The following KLHL1 variants were observed in gnomAD, a reference collection of about 807,000 sequenced individuals.
KLHL1 encodes the protein kelch-like protein 1.
KLHL1 carries 47 observed loss-of-function variants against 77.7 expected under a neutral mutation model. The ratio of observed to expected loss-of-function variants is 0.60; its 90% confidence interval spans 0.48 to 0.77. The LOEUF (loss-of-function observed/expected upper bound fraction) is 0.77, where lower values mean the gene tolerates loss of function less well. Among genes scored for constraint, KLHL1 ranks in the 30% least tolerant of loss-of-function variants. The pLI, the probability that KLHL1 is intolerant of heterozygous loss-of-function variation, is 0.00. For synonymous variants in KLHL1, 360 were observed against 325.2 expected, an observed-to-expected ratio of 1.11 and a Z score of -1.15; for missense variants, 925 against 910.8, an observed-to-expected ratio of 1.02 and a Z score of -0.20.
intron 6 of KLHL1, 80 bp downstream of exon 6, chr13:69,838,896 G>T: frequency 4.7e-6 from 4 of 853,308 alleles, no homozygotes; most frequent in Admixed American, 3.4e-5. Context: ...GTCATTTTTT[G>T]TAGTATCACC....
Position 69,958,066 on chromosome 13 carries a change from A to T in KLHL1, c.817+3242T>A, listed in dbSNP as rs115211104. ...ATCATTATCCTAAATAGTTGCAAGAATTATTATTTTTTTAAATTCTTTTGT... is the reference window on the plus strand; with the variant it reads ...ATCATTATCCTAAATAGTTGCAAGATTTATTATTTTTTTAAATTCTTTTGT... On this transcript the variant is annotated intron_variant, in intron 3 of 10. Transcript: ENST00000377844. Among the ~76,000 whole-genome samples the T allele has an allele frequency of 1.7e-3, 263 of 151,870 alleles. 1 individual carries two copies. The highest frequency in any genetic ancestry group is 5.8e-3 in the African/African-American group (239 of 41,488).
chr13:69,946,620 C>T (rs1883534225), intron 3 of KLHL1, among the ~76,000 whole-genome samples: 2 of 152,080 alleles, frequency 1.3e-5, no homozygotes, highest in Admixed American at 1.3e-4. Flanking sequence ...TCAAGTTATC[C>T]TCTTGCCTCA....
intron 2 of KLHL1, among the ~76,000 whole-genome samples, chr13:69,969,056 ATT>A (rs34106617): frequency 6.6e-6 from 1 of 151,656 alleles, no homozygotes; most frequent in African/African-American, 2.4e-5. Flanking sequence ...TTTTTAGGAG[ATT>A]TTTTTTCATT....
At chr13:69,716,110 T>G (rs2137887922) in intron 9 of KLHL1, among the ~76,000 whole-genome samples, 1 of 152,234 alleles carries the variant, frequency 6.6e-6, no homozygotes, top group South Asian at 2.1e-4. Context: ...ACATTTGCCT[T>G]TCCATGAATC....
At chr13:69,820,474 C>T (rs12428267) in intron 6 of KLHL1, among the ~76,000 whole-genome samples, 12,228 of 152,074 alleles carry the variant, frequency 0.08, 604 homozygotes, top group Non-Finnish European at 0.1. Flanking sequence ...CTCTCTGTCT[C>T]CTAGTGATAA....
chr13:69,791,598 G>C (rs75845624), intron 7 of KLHL1, among the ~76,000 whole-genome samples: 17,606 of 152,070 alleles, frequency 0.12, 1,211 homozygotes, highest in African/African-American at 0.19. Flanking sequence ...ATAGACTAAT[G>C]TAATAGAATT....
At chr13:70,100,250 T>C (rs1887892998) in intron 1 of KLHL1, among the ~76,000 whole-genome samples, 1 of 151,980 alleles carries the variant, frequency 6.6e-6, no homozygotes, top group Non-Finnish European at 1.5e-5. Context: ...TTCACATCTT[T>C]TCTCATTTTT....
intron 3 of KLHL1, among the ~76,000 whole-genome samples, chr13:69,958,738 T>TA (rs59683172): frequency 2.6e-3 from 381 of 146,328 alleles, no homozygotes; most frequent in Middle Eastern, 7.0e-3. Flanking sequence ...ACCTTAAAAT[T>TA]AAAAAAAAAA....
chr13:69,926,729 C>T (rs776291138), intron 4 of KLHL1, among the ~76,000 whole-genome samples: 7 of 151,710 alleles, frequency 4.6e-5, no homozygotes, highest in Admixed American at 6.6e-5. Flanking sequence ...GGGTGGATCA[C>T]GAGGCCAGGA....
chr13:70,023,207 G>A (rs1161717878), intron 1 of KLHL1, among the ~76,000 whole-genome samples: 1 of 151,824 alleles, frequency 6.6e-6, no homozygotes, highest in African/African-American at 2.4e-5. Context: ...CTATCAAAAA[G>A]TTATAAAAAT....
At chr13:70,047,292 A>C (rs1886524876) in intron 1 of KLHL1, among the ~76,000 whole-genome samples, 1 of 151,636 alleles carries the variant, frequency 6.6e-6, no homozygotes, top group South Asian at 2.1e-4. Flanking sequence ...AAAAAAAAAA[A>C]CCCACAAAGA....
At chr13:69,821,564 C>T (rs932321099) in intron 6 of KLHL1, among the ~76,000 whole-genome samples, 7 of 152,164 alleles carry the variant, frequency 4.6e-5, no homozygotes, top group Admixed American at 2.0e-4. Context: ...ATCCGCCCTC[C>T]TTGGCCTCCC....
intron 7 of KLHL1, among the ~76,000 whole-genome samples, chr13:69,758,407 C>A (rs1874866084): frequency 6.6e-6 from 1 of 151,994 alleles, no homozygotes; most frequent in Non-Finnish European, 1.5e-5. Context: ...CTTTTTAGAT[C>A]CATTTTGTTT....
At chr13:69,707,171 C>A (rs1402723633) in intron 10 of KLHL1, among the ~76,000 whole-genome samples, 1 of 151,936 alleles carries the variant, frequency 6.6e-6, no homozygotes, top group East Asian at 1.9e-4. Context: ...GACTTTCCAG[C>A]AGCACCACCA....
chr13:69,723,018 T>C (rs925485645), intron 8 of KLHL1, among the ~76,000 whole-genome samples: 6 of 152,038 alleles, frequency 3.9e-5, no homozygotes, highest in Non-Finnish European at 1.5e-5. Flanking sequence ...TCCTAATATT[T>C]TCTATAACAT....
chr13:69,777,877 G>C (rs527665300), intron 7 of KLHL1, among the ~76,000 whole-genome samples: 7 of 152,006 alleles, frequency 4.6e-5, no homozygotes, highest in Non-Finnish European at 1.0e-4. Context: ...TTTATTCTGA[G>C]TATTATAGTG....
intron 1 of KLHL1, among the ~76,000 whole-genome samples, chr13:70,081,984 G>A (rs9572354): frequency 0.12 from 18,242 of 152,004 alleles, 1,606 homozygotes; most frequent in East Asian, 0.49. Flanking sequence ...TCATGGGGAC[G>A]CACTTCTCAC....
chr13:70,046,023 ACT>A (rs373976390), intron 1 of KLHL1, among the ~76,000 whole-genome samples: 319 of 152,092 alleles, frequency 2.1e-3, no homozygotes, highest in African/African-American at 7.2e-3. Context: ...TTATTTATCT[ACT>A]CTCTTTCTCT....
chr13:69,714,665 T>C (rs1196112548), intron 9 of KLHL1, among the ~76,000 whole-genome samples: 1 of 151,794 alleles, frequency 6.6e-6, no homozygotes, highest in Non-Finnish European at 1.5e-5. Context: ...AAATGATGGC[T>C]CACTGCAGCC....
Sources: gnomAD v4.1 joint callset for allele counts (sites outside exome capture counted in the v4.1 genomes callset) on GRCh38, gnomAD v4.1.1 for gene constraint, MANE v1.5 for transcripts, NCBI Gene and HGNC (gene_info 2026-07-23, HGNC 2026-07-21) for gene names.